The following DIAPH2 variants were observed in gnomAD, a reference collection of about 807,000 sequenced individuals.
DIAPH2 encodes diaphanous related formin 2, also known as protein diaphanous homolog 2.
DIAPH2 carries 35 observed loss-of-function variants against 92.7 expected under a neutral mutation model. The ratio of observed to expected loss-of-function variants is 0.38; its 90% CI spans 0.29 to 0.50. The LOEUF (loss-of-function observed/expected upper bound fraction) is 0.50, where lower values mean the gene tolerates loss of function less well. Among genes scored for constraint, DIAPH2 ranks in the 20% least tolerant of loss-of-function variants. The pLI is 0.94. For synonymous variants in DIAPH2, 301 were observed against 280.4 expected (o/e 1.07, Z -0.73); for missense variants, 701 against 819.5 (o/e 0.86, Z 1.77).
At chrX:96,815,855 A>G (rs2064730106) in intron 4 of DIAPH2, among the ~76,000 whole-genome samples, 1 of 110,405 alleles carries the variant, frequency 9.1e-6, no homozygotes, top group Admixed American at 9.6e-5. Context: ...ATTTTAGTGG[A>G]GACAGGGTTT....
chrX:97,101,071 A>T (rs1569301304), intron 20 of DIAPH2, among the ~76,000 whole-genome samples: 1 of 112,097 alleles, frequency 8.9e-6, no homozygotes, highest in Non-Finnish European at 1.9e-5. Flanking sequence ...TTTGTTAACT[A>T]AAAGCAATTT....
intron 17 of DIAPH2, among the ~76,000 whole-genome samples, chrX:96,991,315 T>A (rs2066068690): frequency 9.1e-6 from 1 of 109,780 alleles, no homozygotes; most frequent in East Asian, 2.9e-4. Flanking sequence ...AAGGGGTTTC[T>A]CTATGTTGGC....
chrX:97,219,046 A>C (rs910629570), intron 22 of DIAPH2, among the ~76,000 whole-genome samples: 3 of 111,458 alleles, frequency 2.7e-5, no homozygotes, highest in African/African-American at 6.5e-5. Context: ...CCTCTGGTAG[A>C]GAGTCTTTAG....
At chrX:96,871,223 C>A (rs1358305027) in intron 4 of DIAPH2, among the ~76,000 whole-genome samples, 1 of 110,946 alleles carries the variant, frequency 9.0e-6, no homozygotes, top group African/African-American at 3.3e-5. Context: ...AATCCCAGCA[C>A]TTTGGGAGGC....
In DIAPH2 at chrX:97,153,108, A is replaced by G. The variant is rs141693436; in HGVS notation, c.2719+11314A>G. On this transcript the variant is annotated intron_variant, in intron 22 of 26. Coordinates refer to ENST00000324765, the MANE Select transcript of DIAPH2 (RefSeq NM_006729.5). ...CAAAAATTTTCTTAATTTGAAAAAT[A>G]GCAATGGTAATATCTAGGCTACTTA... is the stretch of plus-strand genomic sequence containing the variant. Among the ~76,000 whole-genome samples the G allele has an allele frequency of 6.2e-3, 697 of 111,950 alleles. 1 individual carries two copies. The highest frequency in any genetic ancestry group is 8.8e-3 in the Non-Finnish European group (469 of 53,254).
intron 26 of DIAPH2, among the ~76,000 whole-genome samples, chrX:97,526,955 C>G (rs749251225): frequency 5.6e-4 from 62 of 111,508 alleles, no homozygotes; most frequent in African/African-American, 2.0e-3. Context: ...CATTCATTCT[C>G]TACCCAATTC....
intron 4 of DIAPH2, among the ~76,000 whole-genome samples, chrX:96,765,928 T>A (rs2064301301): frequency 9.0e-6 from 1 of 111,393 alleles, no homozygotes; most frequent in African/African-American, 3.3e-5. Flanking sequence ...CTTTAGTGTG[T>A]CCGCCAAGCT....
chrX:96,908,592 T>C (rs1051476732), intron 5 of DIAPH2, among the ~76,000 whole-genome samples: 2 of 110,579 alleles, frequency 1.8e-5, no homozygotes, highest in African/African-American at 6.6e-5. Context: ...ACTGGATTCC[T>C]TTTTTTTGTT....
chrX:96,774,874 A>G (rs2064365509), intron 4 of DIAPH2, among the ~76,000 whole-genome samples: 1 of 112,235 alleles, frequency 8.9e-6, no homozygotes, highest in Non-Finnish European at 1.9e-5. Context: ...ACACTAGGCT[A>G]TAACAGCAAT....
At chrX:97,278,284 C>T (rs1487705006) in intron 23 of DIAPH2, among the ~76,000 whole-genome samples, 1 of 112,036 alleles carries the variant, frequency 8.9e-6, no homozygotes, top group Non-Finnish European at 1.9e-5. Flanking sequence ...TTATTAATAT[C>T]TTGCATTAGT....
chrX:97,389,718 GAA>G (rs1385091061), intron 25 of DIAPH2, among the ~76,000 whole-genome samples: 1 of 111,015 alleles, frequency 9.0e-6, no homozygotes, highest in Non-Finnish European at 1.9e-5. Context: ...ATGCAGCAGA[GAA>G]AGACATTAAT....
intron 4 of DIAPH2, among the ~76,000 whole-genome samples, chrX:96,838,308 G>A (rs2064912497): frequency 9.0e-6 from 1 of 111,513 alleles, no homozygotes; most frequent in South Asian, 3.7e-4. Context: ...TTTCAGCAGT[G>A]GCAGCAGAAC....
intron 22 of DIAPH2, among the ~76,000 whole-genome samples, chrX:97,241,175 G>A (rs940474910): frequency 8.9e-6 from 1 of 112,111 alleles, no homozygotes; most frequent in Non-Finnish European, 1.9e-5. Flanking sequence ...TAAGAGTAGT[G>A]CATACCTTAT....
chrX:97,232,044 A>G lies in DIAPH2; in HGVS notation c.2720-15671A>G, dbSNP rs139551732. ...AGCCTTGATTTGGTCATCACGAGTTATTCTCTCCATTTCAGCTTCCCCCAT... is the reference window on the plus strand; with the variant it reads ...AGCCTTGATTTGGTCATCACGAGTTGTTCTCTCCATTTCAGCTTCCCCCAT... On this transcript the variant is annotated intron_variant, in intron 22 of 26. Transcript: ENST00000324765. 3.4e-3 allele frequency among the ~76,000 whole-genome samples: 374 copies of G among 110,545 alleles called. 3 individuals are homozygous for G. Among genetic ancestry groups the G allele is most frequent in the Middle Eastern group, 9.3e-3 (2 of 215 alleles).
At position 97,327,263 on chromosome X, in the gene DIAPH2, T is replaced by A. The variant is rs191751641; in HGVS notation, c.2845-20853T>A. ...ACAGGTGCCTGCCACCCCGCCCGGCTAATTTTTGTATTTTTAGTAGAGACA... is the reference window on the plus strand; with the variant it reads ...ACAGGTGCCTGCCACCCCGCCCGGCAAATTTTTGTATTTTTAGTAGAGACA... On this transcript the variant is annotated intron_variant, in intron 23 of 26. Transcript: ENST00000324765. Among the ~76,000 whole-genome samples the A allele has an allele frequency of 4.0e-3, 442 of 109,299 alleles. 3 individuals are homozygous for A. Among genetic ancestry groups the A allele is most frequent in the African/African-American group, 0.013 (383 of 29,955 alleles). The allele number at this position is 109,299 out of a possible 115,157, so 94.9% of individuals were successfully genotyped here.
At chrX:97,494,571 G>A (rs919565511) in intron 26 of DIAPH2, among the ~76,000 whole-genome samples, 1 of 111,336 alleles carries the variant, frequency 9.0e-6, no homozygotes, top group Non-Finnish European at 1.9e-5. Context: ...CTTTTGCACT[G>A]GTGTCTGCAC....
chrX:97,225,020 A>T (rs1569334455), intron 22 of DIAPH2, among the ~76,000 whole-genome samples: 1 of 110,926 alleles, frequency 9.0e-6, no homozygotes, highest in Non-Finnish European at 1.9e-5. Flanking sequence ...CTTATCATGA[A>T]TCAATTGTGC....
chrX:97,099,951 T>C (rs1461683708), intron 20 of DIAPH2, among the ~76,000 whole-genome samples, 156 bp downstream of exon 20: 1 of 111,808 alleles, frequency 8.9e-6, no homozygotes, highest in Non-Finnish European at 1.9e-5. Flanking sequence ...AAATACTTTT[T>C]TACCTATTAT....
chrX:97,160,529 T>C (rs926901657), intron 22 of DIAPH2, among the ~76,000 whole-genome samples: 1 of 112,215 alleles, frequency 8.9e-6, no homozygotes, highest in East Asian at 2.8e-4. Context: ...GTGTCAGATA[T>C]ATATATATTG....
Sources: gnomAD v4.1 joint callset for allele counts (sites outside exome capture counted in the v4.1 genomes callset) on GRCh38, gnomAD v4.1.1 for gene constraint, MANE v1.5 for transcripts, NCBI Gene and HGNC (gene_info 2026-07-23, HGNC 2026-07-21) for gene names.